GUF1: variants seen among roughly 807,000 people sequenced by gnomAD.
GUF1 encodes GTP binding elongation factor GUF1.
Under a neutral mutation model 82.4 loss-of-function variants are expected in GUF1, and 78 were observed. That is an observed-to-expected ratio of 0.95 (90% CI 0.79 to 1.14). The LOEUF (loss-of-function observed/expected upper bound fraction) is 1.14, where lower values mean the gene tolerates loss of function less well. Among genes scored for constraint, GUF1 ranks in the 50% most tolerant of loss-of-function variants. GUF1 has a pLI of 0.00. For missense variants in GUF1, 814 were observed against 798.2 expected (o/e 1.02, Z -0.24); for synonymous variants, 279 against 282.3 (o/e 0.99, Z 0.12).
intron 5 of GUF1, 42 bp from the exon 6 acceptor site, chr4:44,683,193 T>C: frequency 8.4e-7 from 1 of 1,196,568 alleles, no homozygotes; most frequent in Non-Finnish European, 1.2e-6. Flanking sequence ...TAATACATCT[T>C]ATCTTTATTA....
intron 14 of GUF1, among the ~76,000 whole-genome samples, chr4:44,695,096 G>A (rs144059974): frequency 0.014 from 2,116 of 152,140 alleles, 23 homozygotes; most frequent in Middle Eastern, 0.031. Context: ...AAGCCACCGC[G>A]CCCTTTTATA....
chr4:44,679,636 G>C (rs892774735), intron 1 of GUF1, among the ~76,000 whole-genome samples: 1 of 152,054 alleles, frequency 6.6e-6, no homozygotes, highest in Non-Finnish European at 1.5e-5. Flanking sequence ...TTTTTCGGCA[G>C]ACTTTCAGCT....
chr4:44,682,543 C>T, intron 5 of GUF1, 132 bp downstream of exon 5: 1 of 473,760 alleles, frequency 2.1e-6, no homozygotes, highest in Non-Finnish European at 3.7e-6. Context: ...GGATTTATCT[C>T]TTTGAATTGT....
In GUF1 at chr4:44,689,869, T is replaced by G; in HGVS notation, c.1229T>G (p.Met410Arg). The G allele has an allele frequency of 6.2e-7, 1 of 1,605,376 alleles. No homozygotes were observed. Among genetic ancestry groups the G allele is most frequent in the Non-Finnish European group, 8.5e-7 (1 of 1,174,240 alleles). The change falls in exon 11 of 17, where the codon ATG (methionine) becomes AGG (arginine). Residue 410 changes from methionine to arginine, a missense_variant. Coordinates refer to ENST00000281543, the MANE Select transcript of GUF1 (RefSeq NM_021927.3). ...WRLGFLGLLH[M>R]EVFNQRLEQE... ...CTAGGATTTCTTGGACTTTTGCACA[T>G]GGAAGTTTTCAACCAGCGACTGGAG...
At chr4:44,681,242 A>G (rs1373187319) in intron 4 of GUF1, 39 bp downstream of exon 4, 2 of 1,393,666 alleles carry the variant, frequency 1.4e-6, no homozygotes, top group East Asian at 4.6e-5. Context: ...ATATGACATG[A>G]CTATTTGGTT....
At position 44,678,557 on chromosome 4, in the gene GUF1, A is replaced by G. The variant is rs534335945; in HGVS notation, c.-66A>G. On this transcript the variant is annotated 5_prime_UTR_variant, in exon 1 of 17. Transcript: ENST00000281543. ...CCGGATCCTACGGGGGGTACCTTCGAAAAAAAACGGGCTATGCTGCTGTTG... is the reference window on the plus strand; with the variant it reads ...CCGGATCCTACGGGGGGTACCTTCGGAAAAAAACGGGCTATGCTGCTGTTG... 332 of 1,314,242 alleles carry G rather than the reference A, an allele frequency of 2.5e-4. 3 individuals carry two copies. The South Asian group carries it at 6.0e-3, about 24-fold the overall frequency. 81.4% of individuals were successfully genotyped at this position (1,314,242 alleles called of 1,614,324 possible).
At chr4:44,694,211 T>A (rs1715629780) in intron 13 of GUF1, 4 of 504,014 alleles carry the variant, frequency 7.9e-6, no homozygotes, top group Admixed American at 4.1e-5. Context: ...TTCCCCTTGC[T>A]TTTGCCCTTG....
chr4:44,691,103 A>G (rs1222155560), intron 12 of GUF1, among the ~76,000 whole-genome samples: 1 of 151,706 alleles, frequency 6.6e-6, no homozygotes, highest in South Asian at 2.1e-4. Context: ...CCCAAAGGAA[A>G]GAAATTTGAT....
In GUF1 at chr4:44,698,535, A is replaced by G; in HGVS notation, c.1873-9A>G. 6.3e-7 allele frequency: 1 copy of G among 1,576,242 alleles called. No homozygotes were observed. The highest frequency in any genetic ancestry group is 8.6e-7 in the Non-Finnish European group (1 of 1,166,996). On this transcript the variant is annotated splice_polypyrimidine_tract_variant and intron_variant, in intron 16 of 16. Transcript: ENST00000281543. Reference sequence around the variant, plus strand: ...ACTTAGACTTCCAATGTTTTAAAATATTTTTCAGTATGGTGGTGATATTAC... The same window carrying G: ...ACTTAGACTTCCAATGTTTTAAAATGTTTTTCAGTATGGTGGTGATATTAC...
chr4:44,681,857 T>G (rs955434395), intron 4 of GUF1, among the ~76,000 whole-genome samples: 1 of 148,154 alleles, frequency 6.7e-6, no homozygotes, highest in African/African-American at 2.7e-5. Flanking sequence ...CTTTATAAAC[T>G]ACCTTGATGA....
rs183176803 is a variant in GUF1, at chr4:44,680,093, A to G, written c.166-348A>G. Reference sequence around the variant, plus strand: ...CTTCTTTCAGCTTTTCTGTAGCTCCATTGCCTCAAAAGTTTTACTAGACAA... The same window carrying G: ...CTTCTTTCAGCTTTTCTGTAGCTCCGTTGCCTCAAAAGTTTTACTAGACAA... On this transcript the variant is annotated intron_variant, in intron 1 of 16. Coordinates refer to ENST00000281543, the MANE Select transcript of GUF1 (RefSeq NM_021927.3). Among the ~76,000 whole-genome samples, 1,315 of 152,176 alleles carry G rather than the reference A, an allele frequency of 8.6e-3. 11 individuals are homozygous for G. The highest frequency in any genetic ancestry group is 0.027 in the African/African-American group (1,119 of 41,540).
intron 6 of GUF1, among the ~76,000 whole-genome samples, chr4:44,683,769 T>C (rs1714897917): frequency 6.6e-6 from 1 of 152,068 alleles, no homozygotes; most frequent in Admixed American, 6.6e-5. Context: ...TAGGAAACAA[T>C]AGATTTTATT....
At chr4:44,679,479 CTTAAA>C (rs1282831413) in intron 1 of GUF1, among the ~76,000 whole-genome samples, 1 of 152,088 alleles carries the variant, frequency 6.6e-6, no homozygotes, top group Non-Finnish European at 1.5e-5. Flanking sequence ...AAGACAAAAC[CTTAAA>C]TTAATCAACT....
chr4:44,690,026 G>A (rs747407870), intron 11 of GUF1, 51 bp downstream of exon 11: 2 of 1,399,626 alleles, frequency 1.4e-6, no homozygotes, highest in East Asian at 2.4e-5. Context: ...TTAGTCTCTT[G>A]GAAAAAATAA....
Position 44,678,858 on chromosome 4 carries a change from G to A in GUF1, c.165+71G>A, listed in dbSNP as rs532490983. The A allele has an allele frequency of 5.6e-6, 8 of 1,433,516 alleles. No homozygotes were observed. The African/African-American group carries it at 7.5e-5, about 13-fold the overall frequency. 88.8% of individuals were successfully genotyped at this position (1,433,516 alleles called of 1,614,324 possible). ...GAGTGCCCCATGCGATCTTGGACAT[G>A]TATAGGGCTTTCTGGGACTAGCTCT... On this transcript the variant is annotated intron_variant, in intron 1 of 16. Transcript: ENST00000281543.
Position 44,680,433 on chromosome 4 carries a change from C to G in GUF1, c.166-8C>G, listed in dbSNP as rs544184611. Reference sequence around the variant, plus strand: ...TATACTCCTAAATGTGGTATTTCCCCTTTCTAGGAAAAACTTGACATGTCT... The same window carrying G: ...TATACTCCTAAATGTGGTATTTCCCGTTTCTAGGAAAAACTTGACATGTCT... On this transcript the variant is annotated splice_region_variant and splice_polypyrimidine_tract_variant and intron_variant, in intron 1 of 16. Coordinates refer to ENST00000281543, the MANE Select transcript of GUF1 (RefSeq NM_021927.3). 1 of 1,430,596 alleles carries G rather than the reference C, an allele frequency of 7.0e-7. No individual in the cohort carries two copies. The highest frequency in any genetic ancestry group is 2.3e-5 in the East Asian group (1 of 43,514). The allele number at this position is 1,430,596 out of a possible 1,614,324, so 88.6% of individuals were successfully genotyped here. A position where few individuals can be genotyped will look rare whatever the true frequency, so the allele number is the denominator to read the frequency against.
At chr4:44,690,154 G>A (rs553447378) in intron 11 of GUF1, among the ~76,000 whole-genome samples, 179 bp downstream of exon 11, 1 of 36,834 alleles carries the variant, frequency 2.7e-5, no homozygotes, top group African/African-American at 5.4e-5. Flanking sequence ...GGCTAATGAT[G>A]AAGAACTTTT....
intron 5 of GUF1, chr4:44,682,647 AG>A: frequency 3.6e-6 from 1 of 280,650 alleles, no homozygotes; most frequent in Admixed American, 5.2e-5. Flanking sequence ...CCATTTCTGT[AG>A]GGAAGGGAAG....
intron 9 of GUF1, 30 bp downstream of exon 9, chr4:44,688,176 G>A (rs750559811): frequency 1.9e-6 from 3 of 1,569,110 alleles, no homozygotes; most frequent in Admixed American, 2.0e-5. Context: ...AAAGGTTGAG[G>A]GCCATGATAT....
Sources: gnomAD v4.1 joint callset for allele counts (sites outside exome capture counted in the v4.1 genomes callset) on GRCh38, gnomAD v4.1.1 for gene constraint, MANE v1.5 for transcripts, NCBI Gene and HGNC (gene_info 2026-07-23, HGNC 2026-07-21) for gene names.